Variants in PRKCA observed in about 807,000 individuals in gnomAD.
The protein encoded by PRKCA is protein kinase C alpha type.
A neutral mutation model predicts 87.0 loss-of-function variants in PRKCA; 27 were observed. That is an observed-to-expected ratio of 0.31 (90% confidence interval 0.23 to 0.43). PRKCA has a LOEUF of 0.43. Among genes scored for constraint, PRKCA ranks in the 20% least tolerant of loss-of-function variants. PRKCA has a pLI of 1.00. For missense variants in PRKCA, 518 were observed against 852.3 expected, an observed-to-expected ratio of 0.61 and a Z score of 4.88; for synonymous variants, 329 against 311.1, an observed-to-expected ratio of 1.06 and a Z score of -0.61.
At chr17:66,319,389 T>C (rs1905516840) in intron 2 of PRKCA, among the ~76,000 whole-genome samples, 2 of 152,234 alleles carry the variant, frequency 1.3e-5, no homozygotes, top group African/African-American at 4.8e-5. Flanking sequence ...TTTGGCTGAC[T>C]TACCCGTTGG....
At chr17:66,762,089 G>A (rs1277698101) in intron 13 of PRKCA, among the ~76,000 whole-genome samples, 3 of 152,170 alleles carry the variant, frequency 2.0e-5, no homozygotes, top group African/African-American at 7.2e-5. Flanking sequence ...GATTTACTAT[G>A]TCTGGTACAC....
chr17:66,663,893 G>T (rs573503578), intron 5 of PRKCA, among the ~76,000 whole-genome samples: 11 of 150,116 alleles, frequency 7.3e-5, no homozygotes, highest in African/African-American at 2.7e-4. Flanking sequence ...TTTGAGACAG[G>T]GTCTCACTCA....
intron 5 of PRKCA, among the ~76,000 whole-genome samples, chr17:66,659,616 A>G (rs549571707): frequency 2.0e-5 from 3 of 152,300 alleles, no homozygotes; most frequent in Middle Eastern, 3.4e-3. Flanking sequence ...GGTGGCACAC[A>G]TGCTGCACTT....
At chr17:66,594,461 G>A (rs565713193) in intron 3 of PRKCA, among the ~76,000 whole-genome samples, 5 of 152,214 alleles carry the variant, frequency 3.3e-5, no homozygotes, top group African/African-American at 7.2e-5. Flanking sequence ...AGTTTCCAGC[G>A]TCTCTTTATT....
intron 3 of PRKCA, among the ~76,000 whole-genome samples, chr17:66,517,435 GTTGTAA>G (rs1967005019): frequency 6.6e-6 from 1 of 151,974 alleles, no homozygotes; most frequent in Non-Finnish European, 1.5e-5. Flanking sequence ...CATACCACTT[GTTGTAA>G]TTGTTCCTCT....
chr17:66,452,145 T>C (rs529657988), intron 2 of PRKCA, among the ~76,000 whole-genome samples: 3 of 152,318 alleles, frequency 2.0e-5, no homozygotes, highest in South Asian at 2.1e-4. Context: ...ACCCTCCAAT[T>C]TGATTCACTG....
chr17:66,587,893 G>GTATATATATATA (rs1315328922), intron 3 of PRKCA, among the ~76,000 whole-genome samples: 2 of 51,636 alleles, frequency 3.9e-5, no homozygotes, highest in South Asian at 6.3e-4. Context: ...GTGTGTGTGT[G>GTATATATATATA]TGTATATATA....
chr17:66,432,202 C>T (rs374071767), intron 2 of PRKCA, among the ~76,000 whole-genome samples: 2 of 152,080 alleles, frequency 1.3e-5, no homozygotes, highest in East Asian at 1.9e-4. Flanking sequence ...GCGTGAAGTT[C>T]GAGGCTGGTC....
In PRKCA at chr17:66,735,649, G is replaced by A; in HGVS notation, c.1217G>A (p.Cys406Tyr). 6.2e-7 allele frequency: 1 copy of A among 1,614,010 alleles called. No individual in the cohort carries two copies. The highest frequency in any genetic ancestry group is 8.5e-7 in the Non-Finnish European group (1 of 1,179,950). The change falls in exon 10 of 17, where the codon TGC becomes TAC. Residue 406 changes from cysteine to tyrosine, a missense_variant. Physicochemically the swap from Cys to Tyr is radical, Grantham distance 194 (BLOSUM62 -2). This residue lies in a region of PRKCA where 300 missense variants were observed against 496.8 expected (regional missense o/e 0.60). Coordinates refer to ENST00000413366, the MANE Select transcript of PRKCA (RefSeq NM_002737.3). ...CCGTTCTTGACGCAGCTGCACTCCT[G>A]CTTCCAGACAGTGGTAAGGACCCTG... ...KPPFLTQLHS[C>Y]FQTVDRLYFV...
intron 3 of PRKCA, among the ~76,000 whole-genome samples, chr17:66,584,332 C>T (rs918440461): frequency 6.6e-6 from 1 of 152,156 alleles, no homozygotes; most frequent in African/African-American, 2.4e-5. Context: ...AGCAGTTCTC[C>T]TGCCTCAGCC....
chr17:66,411,860 C>T (rs10638192), intron 2 of PRKCA, among the ~76,000 whole-genome samples: 1 of 117,530 alleles, frequency 8.5e-6, no homozygotes, highest in Non-Finnish European at 1.9e-5. Flanking sequence ...CAATGGGCCG[C>T]CTACTTTCTG....
At chr17:66,370,330 C>A (rs1404517943) in intron 2 of PRKCA, among the ~76,000 whole-genome samples, 4 of 139,496 alleles carry the variant, frequency 2.9e-5, no homozygotes, top group Admixed American at 7.8e-5. Flanking sequence ...CTCCCGGGTT[C>A]AAGCAATTTT....
intron 2 of PRKCA, among the ~76,000 whole-genome samples, chr17:66,333,752 A>T (rs1906492781): frequency 1.3e-5 from 2 of 152,050 alleles, no homozygotes; most frequent in Non-Finnish European, 2.9e-5. Flanking sequence ...CCGAGCCCTG[A>T]CAGACAGGAC....
At chr17:66,765,614 A>G (rs71379994) in intron 13 of PRKCA, among the ~76,000 whole-genome samples, 34,310 of 149,682 alleles carry the variant, frequency 0.23, 4,142 homozygotes, top group East Asian at 0.35. Context: ...TCAAAATATG[A>G]TGTGGATTTC....
chr17:66,441,018 C>T (rs568762020), intron 2 of PRKCA, among the ~76,000 whole-genome samples: 12 of 151,824 alleles, frequency 7.9e-5, no homozygotes, highest in South Asian at 6.3e-4. Context: ...AAAAATTAGC[C>T]GGGCGTGGTA....
At chr17:66,782,371 A>C (rs1168168292) in intron 14 of PRKCA, among the ~76,000 whole-genome samples, 1 of 152,184 alleles carries the variant, frequency 6.6e-6, no homozygotes, top group Non-Finnish European at 1.5e-5. Context: ...TGGTATTCCA[A>C]AGCTGGGAGG....
intron 8 of PRKCA, among the ~76,000 whole-genome samples, chr17:66,713,067 T>TTTTTTTTTTG (rs1403247186): frequency 4.8e-5 from 7 of 145,668 alleles, no homozygotes; most frequent in Non-Finnish European, 7.5e-5. Flanking sequence ...TTTTTTTTTT[T>TTTTTTTTTTG]TTGAGATGGA....
intron 3 of PRKCA, among the ~76,000 whole-genome samples, chr17:66,596,265 C>A (rs8071318): frequency 0.026 from 3,960 of 152,180 alleles, 153 homozygotes; most frequent in East Asian, 0.15. Flanking sequence ...ATTGTGGTTC[C>A]TTGGAGCCCA....
In PRKCA at chr17:66,626,968, C is replaced by T. The variant is rs188556865; in HGVS notation, c.289-14387C>T. On this transcript the variant is annotated intron_variant, in intron 3 of 16. Coordinates refer to ENST00000413366, the MANE Select transcript of PRKCA (RefSeq NM_002737.3). ...ACTTAAATGCCACATCCCTCCCTCT[C>T]CCCTTTATTCCAGCCACCATGTCAT... is the stretch of plus-strand genomic sequence containing the variant. Among the ~76,000 whole-genome samples, 6 of 152,316 alleles carry T rather than the reference C, an allele frequency of 3.9e-5. No individual in the cohort carries two copies. In the East Asian group the frequency reaches 1.2e-3, roughly 29 times the overall value.
Sources: gnomAD v4.1 joint callset for allele counts (sites outside exome capture counted in the v4.1 genomes callset) on GRCh38, gnomAD v4.1.1 for gene constraint, gnomAD v4.1.1 regional missense constraint, MANE v1.5 for transcripts, NCBI Gene and HGNC (gene_info 2026-07-23, HGNC 2026-07-21) for gene names.